The following TENM3 variants were observed in gnomAD, a reference collection of about 807,000 sequenced individuals.
The protein encoded by TENM3 is teneurin transmembrane protein 3, also known as teneurin-3.
In TENM3, 63 loss-of-function variants were observed where a neutral mutation model predicts 255.1. The observed-to-expected ratio is 0.25, with a 90% CI of 0.20 to 0.30. The LOEUF is 0.30. Among genes scored for constraint, TENM3 ranks in the 10% least tolerant of loss-of-function variants. The probability of loss-of-function intolerance (pLI) is 1.00; values close to 1 mark genes in which losing one functional copy is unlikely to be tolerated. For synonymous variants in TENM3, 1,306 were observed against 1,322.3 expected (o/e 0.99, Z 0.27); for missense variants, 2,929 against 3,461.1 (o/e 0.85, Z 3.86).
intron 5 of TENM3, among the ~76,000 whole-genome samples, chr4:182,644,207 G>A (rs999979681): frequency 6.6e-6 from 1 of 152,152 alleles, no homozygotes; most frequent in East Asian, 1.9e-4. Flanking sequence ...GTCACCAGCT[G>A]TCATCACCCT....
the TENM3 span, among the ~76,000 whole-genome samples, chr4:181,961,269 A>G: frequency 6.6e-6 from 1 of 152,242 alleles, no homozygotes; most frequent in Non-Finnish European, 1.5e-5. Flanking sequence ...CAATGATAAC[A>G]TGCAACTGTT....
chr4:181,881,021 T>G, the TENM3 span, among the ~76,000 whole-genome samples: 1 of 152,176 alleles, frequency 6.6e-6, no homozygotes, highest in African/African-American at 2.4e-5. Flanking sequence ...TGAGAATAAC[T>G]CATTGAGCTA....
chr4:182,788,784 C>A (rs1316978732), intron 24 of TENM3, among the ~76,000 whole-genome samples: 1 of 152,170 alleles, frequency 6.6e-6, no homozygotes, highest in Non-Finnish European at 1.5e-5. Flanking sequence ...GAACAGGTGT[C>A]ATGTTTATCA....
chr4:182,538,272 A>G (rs1740533669), intron 3 of TENM3, among the ~76,000 whole-genome samples: 1 of 152,192 alleles, frequency 6.6e-6, no homozygotes. Flanking sequence ...TTAGAATACA[A>G]TAGTAGGCAA....
At chr4:181,611,670 G>A in the TENM3 span, among the ~76,000 whole-genome samples, 11 of 152,158 alleles carry the variant, frequency 7.2e-5, no homozygotes, top group African/African-American at 1.9e-4. Context: ...CTTAATGTGA[G>A]GCATTTGACA....
chr4:182,017,482 C>G, the TENM3 span, among the ~76,000 whole-genome samples: 88 of 152,202 alleles, frequency 5.8e-4, no homozygotes, highest in African/African-American at 2.0e-3. Flanking sequence ...TAATGTTTAG[C>G]CTTTTCTGTT....
At chr4:182,227,118 G>T (rs1197248077) in intron 1 of TENM3, among the ~76,000 whole-genome samples, 1 of 152,118 alleles carries the variant, frequency 6.6e-6, no homozygotes, top group East Asian at 1.9e-4. Context: ...TCAAGCAGTA[G>T]ACACTCCTTT....
chr4:182,313,936 T>G (rs1419727188), intron 1 of TENM3, among the ~76,000 whole-genome samples: 1 of 152,228 alleles, frequency 6.6e-6, no homozygotes, highest in Admixed American at 6.5e-5. Flanking sequence ...GCCAGAGAGA[T>G]CTTCCTAAGC....
At chr4:182,595,694 A>G (rs1747145984) in intron 3 of TENM3, among the ~76,000 whole-genome samples, 1 of 152,188 alleles carries the variant, frequency 6.6e-6, no homozygotes, top group Admixed American at 6.5e-5. Context: ...ATGATGCATA[A>G]TTTCTCATAA....
At chr4:181,901,440 C>A in the TENM3 span, among the ~76,000 whole-genome samples, 1 of 152,162 alleles carries the variant, frequency 6.6e-6, no homozygotes, top group Non-Finnish European at 1.5e-5. Flanking sequence ...ATCTGATCTC[C>A]CAAACGAAAG....
At chr4:182,168,483 AT>A (rs1751870093) in intron 1 of TENM3, among the ~76,000 whole-genome samples, 1 of 152,116 alleles carries the variant, frequency 6.6e-6, no homozygotes, top group South Asian at 2.1e-4. Context: ...GTTTTCTCCA[AT>A]TATTGACTTA....
intron 3 of TENM3, among the ~76,000 whole-genome samples, chr4:182,361,654 C>G (rs1171892433): frequency 1.3e-5 from 2 of 151,558 alleles, no homozygotes; most frequent in Non-Finnish European, 2.9e-5. Flanking sequence ...ACTTCTTTAC[C>G]TTTGGTTTGA....
the TENM3 span, among the ~76,000 whole-genome samples, chr4:181,605,723 A>G: frequency 6.6e-6 from 1 of 152,226 alleles, no homozygotes; most frequent in Non-Finnish European, 1.5e-5. Flanking sequence ...GAAAAGTACT[A>G]GAATAGAATC....
At chr4:182,556,878 A>G (rs1742640210) in intron 3 of TENM3, among the ~76,000 whole-genome samples, 1 of 152,218 alleles carries the variant, frequency 6.6e-6, no homozygotes, top group South Asian at 2.1e-4. Flanking sequence ...GTGCATACAC[A>G]TTGTGGATTC....
the TENM3 span, among the ~76,000 whole-genome samples, chr4:181,696,033 C>T: frequency 6.6e-6 from 1 of 151,800 alleles, no homozygotes; most frequent in Non-Finnish European, 1.5e-5. Flanking sequence ...GAAGTAAAGT[C>T]ATGTGTAAAT....
intron 3 of TENM3, among the ~76,000 whole-genome samples, chr4:182,518,668 G>A (rs1237924869): frequency 6.6e-6 from 1 of 152,162 alleles, no homozygotes; most frequent in Non-Finnish European, 1.5e-5. Flanking sequence ...CTCTAGATGA[G>A]AACTGCAGCT....
the TENM3 span, among the ~76,000 whole-genome samples, chr4:181,996,823 G>A: frequency 6.6e-6 from 1 of 152,126 alleles, no homozygotes; most frequent in Admixed American, 6.5e-5. Context: ...TATGTTCGAG[G>A]TCTAAGAAAC....
chr4:182,179,244 C>G (rs2149730834), intron 1 of TENM3, among the ~76,000 whole-genome samples: 1 of 152,304 alleles, frequency 6.6e-6, no homozygotes, highest in African/African-American at 2.4e-5. Context: ...GCACCCCAGG[C>G]TTTGGATTAG....
chr4:181,592,250 A>AACAGAAACACAC, the TENM3 span, among the ~76,000 whole-genome samples: 143 of 126,832 alleles, frequency 1.1e-3, 1 homozygote, highest in Middle Eastern at 4.2e-3. Flanking sequence ...AAGCTGTTTA[A>AACAGAAACACAC]ACACAAACAC....
Sources: gnomAD v4.1 joint callset for allele counts (sites outside exome capture counted in the v4.1 genomes callset) on GRCh38, gnomAD v4.1.1 for gene constraint, MANE v1.5 for transcripts, NCBI Gene and HGNC (gene_info 2026-07-23, HGNC 2026-07-21) for gene names.